The following COL13A1 variants were observed in gnomAD, a reference collection of about 807,000 sequenced individuals.
COL13A1 encodes the protein collagen type XIII alpha 1 chain, also known as collagen alpha-1(XIII) chain.
Under a neutral mutation model 130.9 loss-of-function variants are expected in COL13A1, and 89 were observed. The observed-to-expected ratio is 0.68, with a 90% CI of 0.57 to 0.81. The LOEUF is 0.81. Ranked by LOEUF, COL13A1 falls within the 30% of genes least tolerant of loss-of-function variation. COL13A1 has a pLI of 0.00. For synonymous variants in COL13A1, 402 were observed against 341.6 expected (o/e 1.18, Z -1.95); for missense variants, 879 against 934.6 (o/e 0.94, Z 0.78).
chr10:69,900,131 C>T (rs1212526510), intron 14 of COL13A1, among the ~76,000 whole-genome samples: 1 of 152,180 alleles, frequency 6.6e-6, no homozygotes, highest in East Asian at 1.9e-4. Flanking sequence ...AGAGAAGTAC[C>T]AGGCCCACCC....
chr10:69,916,320 A>C (rs1377894465), intron 17 of COL13A1, among the ~76,000 whole-genome samples: 1 of 152,240 alleles, frequency 6.6e-6, no homozygotes, highest in Non-Finnish European at 1.5e-5. Flanking sequence ...GCTGGCCTTC[A>C]GATGGAGGAA....
At chr10:69,837,718 A>G (rs1017202534) in intron 2 of COL13A1, among the ~76,000 whole-genome samples, 1 of 152,128 alleles carries the variant, frequency 6.6e-6, no homozygotes, top group Admixed American at 6.5e-5. Context: ...ATCATCCTCC[A>G]TGTTGTCCCC....
intron 2 of COL13A1, chr10:69,860,791 G>A (rs1258757065): frequency 6.1e-5 from 13 of 214,294 alleles, no homozygotes; most frequent in Non-Finnish European, 2.0e-5. Context: ...TGGCATCAAG[G>A]GAGCTGCAGG....
At chr10:69,852,790 C>A (rs1331506167) in intron 2 of COL13A1, among the ~76,000 whole-genome samples, 1 of 152,232 alleles carries the variant, frequency 6.6e-6, no homozygotes, top group Non-Finnish European at 1.5e-5. Context: ...GAATGGACCT[C>A]GCTGGGCAAA....
In COL13A1 at chr10:69,926,739, C is replaced by T. The variant is rs541735852; in HGVS notation, c.1399-348C>T. Among the ~76,000 whole-genome samples the T allele has an allele frequency of 1.6e-3, 249 of 152,298 alleles. 1 individual carries two copies. The highest frequency in any genetic ancestry group is 2.3e-3 in the Non-Finnish European group (158 of 68,024). Reference sequence around the variant, plus strand: ...AGAGGAAAGAACAAGGGAGGGTCCTCAGAAGGTGACTAGAAAGAATAAGAG... The same window carrying T: ...AGAGGAAAGAACAAGGGAGGGTCCTTAGAAGGTGACTAGAAAGAATAAGAG... On this transcript the variant is annotated intron_variant, in intron 26 of 40. Coordinates refer to ENST00000645393, the MANE Select transcript of COL13A1 (RefSeq NM_001368882.1).
chr10:69,928,986 T>C lies in COL13A1; in HGVS notation c.1472T>C (p.Ile491Thr), dbSNP rs772710488. The change falls in exon 28 of 41, where the codon ATT becomes ACT. Residue 491 changes from isoleucine (I) to threonine (T), a missense_variant. Transcript: ENST00000645393. ...ATTGGCCCACCTGGAGCTCCAGGGA[T>C]TCCAGGCCAGAAGGTAAATCTTATC... ...GQIGPPGAPG[I>T]PGQKGEIGLP... 54 of 1,613,196 alleles carry C rather than the reference T, an allele frequency of 3.3e-5. No individual in the cohort carries two copies. Among genetic ancestry groups the C allele is most frequent in the Non-Finnish European group, 4.4e-5 (52 of 1,179,544 alleles).
intron 2 of COL13A1, among the ~76,000 whole-genome samples, chr10:69,864,898 C>T (rs1336962371): frequency 6.6e-6 from 1 of 152,224 alleles, no homozygotes; most frequent in Non-Finnish European, 1.5e-5. Context: ...GACAGCCCTG[C>T]TTGCGGGCTG....
intron 37 of COL13A1, among the ~76,000 whole-genome samples, chr10:69,946,027 A>G (rs143521977): frequency 8.8e-4 from 132 of 150,608 alleles, no homozygotes; most frequent in African/African-American, 3.0e-3. Flanking sequence ...CCGAGATCGC[A>G]CCACTGCACT....
At position 69,924,497 on chromosome 10, in the gene COL13A1, C is replaced by T. The variant is rs191571261; in HGVS notation, c.1285-466C>T. 4.0e-3 allele frequency among the ~76,000 whole-genome samples: 613 copies of T among 152,098 alleles called. 4 individuals are homozygous for T. Among genetic ancestry groups the T allele is most frequent in the African/African-American group, 0.014 (568 of 41,476 alleles). ...CTCCTGAGACCCTCCTGGCCCTCCA[C>T]ATTTCACTCGGCATTCTGGGTCTTT... On this transcript the variant is annotated intron_variant, in intron 24 of 40. Coordinates refer to ENST00000645393, the MANE Select transcript of COL13A1 (RefSeq NM_001368882.1).
At chr10:69,892,751 A>T (rs1453785543) in intron 10 of COL13A1, among the ~76,000 whole-genome samples, 1 of 152,220 alleles carries the variant, frequency 6.6e-6, no homozygotes, top group Non-Finnish European at 1.5e-5. Context: ...TTGGACCTCG[A>T]CATAATTAAG....
At chr10:69,846,035 G>A (rs1852950858) in intron 2 of COL13A1, among the ~76,000 whole-genome samples, 1 of 152,266 alleles carries the variant, frequency 6.6e-6, no homozygotes, top group African/African-American at 2.4e-5. Flanking sequence ...TGCCCAGGCA[G>A]TCCTGAATGA....
chr10:69,819,850 C>A (rs963129744), intron 1 of COL13A1, among the ~76,000 whole-genome samples: 1 of 152,180 alleles, frequency 6.6e-6, no homozygotes, highest in Non-Finnish European at 1.5e-5. Flanking sequence ...TCCTGCCCCC[C>A]ACATTCCTAT....
intron 1 of COL13A1, 21 bp from the exon 2 acceptor site, chr10:69,822,348 C>T: frequency 2.6e-6 from 4 of 1,562,232 alleles, no homozygotes; most frequent in Non-Finnish European, 3.5e-6. Flanking sequence ...GGTGACTCCT[C>T]TTGTCTGTCT....
Position 69,802,711 on chromosome 10 carries a change from G to C in COL13A1, c.288G>C (p.Leu96=). 1 of 1,611,732 alleles carries C rather than the reference G, an allele frequency of 6.2e-7. No individual in the cohort carries two copies. Among genetic ancestry groups the C allele is most frequent in the Non-Finnish European group, 8.5e-7 (1 of 1,178,972 alleles). The change falls in exon 1 of 41, where the codon CTG becomes CTC. Residue 96 remains leucine, a synonymous_variant. Transcript: ENST00000645393. The part of the protein sequence containing the change: ...TAILGRVNQL[L]DEKWKLHSRR... ...TTTTGGGACGAGTCAATCAACTGCT[G>C]GACGAGGTCTGTGCTCTTTGTTGCT... is the stretch of plus-strand genomic sequence containing the variant.
intron 2 of COL13A1, among the ~76,000 whole-genome samples, chr10:69,823,083 C>T (rs1269677764): frequency 2.6e-5 from 4 of 152,218 alleles, no homozygotes; most frequent in Admixed American, 1.3e-4. Flanking sequence ...GAGCCCTGAC[C>T]TGTCTATTCT....
At chr10:69,956,835 A>G in intron 39 of COL13A1, 169 bp from the exon 40 acceptor site, 1 of 607,782 alleles carries the variant, frequency 1.6e-6, no homozygotes. Context: ...ATTTGTTTCC[A>G]CCTCCTTCTG....
chr10:69,864,034 A>T (rs1020690367), intron 2 of COL13A1, among the ~76,000 whole-genome samples: 5 of 152,114 alleles, frequency 3.3e-5, no homozygotes, highest in Non-Finnish European at 7.3e-5. Flanking sequence ...GCACCACTGT[A>T]CTCCAGCCTG....
At chr10:69,917,244 C>T (rs750356453) in intron 17 of COL13A1, 45 bp from the exon 18 acceptor site, 2 of 1,611,126 alleles carry the variant, frequency 1.2e-6, no homozygotes, top group Non-Finnish European at 1.7e-6. Flanking sequence ...GCTGACAGGC[C>T]CCGAGTCTGG....
chr10:69,922,872 C>T (rs774579882), intron 23 of COL13A1, 78 bp downstream of exon 23: 31 of 951,786 alleles, frequency 3.3e-5, no homozygotes, highest in East Asian at 1.8e-4. Flanking sequence ...GGGGACTCTA[C>T]GTCCCGGACA....
Sources: gnomAD v4.1 joint callset for allele counts (sites outside exome capture counted in the v4.1 genomes callset) on GRCh38, gnomAD v4.1.1 for gene constraint, MANE v1.5 for transcripts, NCBI Gene and HGNC (gene_info 2026-07-23, HGNC 2026-07-21) for gene names.